The following HEG1 variants were observed in gnomAD, a reference collection of about 807,000 sequenced individuals.
HEG1 encodes heart development protein with EGF like domains 1.
HEG1 carries 56 observed loss-of-function variants against 125.6 expected under a neutral mutation model. The ratio of observed to expected loss-of-function variants is 0.45; its 90% CI spans 0.36 to 0.56. HEG1 has a LOEUF of 0.56. Ranked by LOEUF, HEG1 falls within the 20% of genes least tolerant of loss-of-function variation. HEG1 has a pLI of 0.00. For synonymous variants in HEG1, 644 were observed against 668.5 expected, an observed-to-expected ratio of 0.96 and a Z score of 0.57; for missense variants, 1,523 against 1,670.0, an observed-to-expected ratio of 0.91 and a Z score of 1.53.
At chr3:125,050,333 A>T (rs1229553844) in intron 1 of HEG1, among the ~76,000 whole-genome samples, 4 of 152,066 alleles carry the variant, frequency 2.6e-5, no homozygotes, top group Admixed American at 1.3e-4. Context: ...GAGTAGAGAC[A>T]GGGTTTCACC....
At chr3:125,040,535 G>C (rs570453465) in intron 1 of HEG1, among the ~76,000 whole-genome samples, 2 of 152,124 alleles carry the variant, frequency 1.3e-5, no homozygotes, top group African/African-American at 4.8e-5. Context: ...CTGCCTCCCC[G>C]GTAGAGCATT....
intron 14 of HEG1, among the ~76,000 whole-genome samples, chr3:124,981,729 A>G (rs1050193527): frequency 1.3e-5 from 2 of 152,190 alleles, no homozygotes; most frequent in Non-Finnish European, 2.9e-5. Context: ...AGAGAGAAAG[A>G]GCCTGGGAGG....
At chr3:125,051,944 T>G (rs1937814873) in intron 1 of HEG1, among the ~76,000 whole-genome samples, 1 of 152,128 alleles carries the variant, frequency 6.6e-6, no homozygotes, top group Non-Finnish European at 1.5e-5. Flanking sequence ...AGGACAAGGA[T>G]GCAGAAACTG....
intron 1 of HEG1, among the ~76,000 whole-genome samples, chr3:125,052,080 A>G (rs538317395): frequency 6.6e-6 from 1 of 152,270 alleles, no homozygotes; most frequent in African/African-American, 2.4e-5. Flanking sequence ...TTGCAAGGTA[A>G]AAAGGATGTG....
intron 14 of HEG1, among the ~76,000 whole-genome samples, chr3:124,988,009 C>T (rs756620641): frequency 1.4e-5 from 2 of 139,068 alleles, no homozygotes; most frequent in Non-Finnish European, 3.1e-5. Flanking sequence ...ATTTGGGAAA[C>T]AAGACTCAAA....
At chr3:124,997,104 C>A (rs956899675) in intron 12 of HEG1, among the ~76,000 whole-genome samples, 2 of 152,192 alleles carry the variant, frequency 1.3e-5, no homozygotes, top group Non-Finnish European at 2.9e-5. Flanking sequence ...GGACCAAATA[C>A]AAGAGCAGAT....
At chr3:125,008,615 T>C (rs752533587) in intron 8 of HEG1, among the ~76,000 whole-genome samples, 5 of 152,170 alleles carry the variant, frequency 3.3e-5, no homozygotes, top group Non-Finnish European at 7.4e-5. Flanking sequence ...ATGGCCAACA[T>C]GGCAAAGCCC....
intron 12 of HEG1, among the ~76,000 whole-genome samples, chr3:124,992,626 T>C (rs1331068740): frequency 6.6e-6 from 1 of 152,246 alleles, no homozygotes; most frequent in Non-Finnish European, 1.5e-5. Flanking sequence ...TGATGCCCTG[T>C]GGGCTGGGTC....
chr3:125,015,098 G>T, intron 5 of HEG1: 1 of 948,182 alleles, frequency 1.1e-6, no homozygotes, highest in Non-Finnish European at 1.4e-6. Flanking sequence ...CTGGGCTGTG[G>T]GAGCCAAGAC....
At chr3:124,994,343 G>A (rs1314658193) in intron 12 of HEG1, among the ~76,000 whole-genome samples, 2 of 152,192 alleles carry the variant, frequency 1.3e-5, no homozygotes, top group Non-Finnish European at 2.9e-5. Flanking sequence ...TGGTAGGGTT[G>A]GGGACCCCTG....
intron 8 of HEG1, among the ~76,000 whole-genome samples, chr3:125,008,285 GATC>G (rs1266424789): frequency 6.6e-6 from 1 of 152,174 alleles, no homozygotes; most frequent in African/African-American, 2.4e-5. Flanking sequence ...GTTTTGACTT[GATC>G]TTTGTATTTT....
intron 6 of HEG1, 124 bp downstream of exon 6, chr3:125,012,499 C>T: frequency 1.9e-6 from 2 of 1,057,754 alleles, no homozygotes; most frequent in Non-Finnish European, 2.7e-6. Context: ...TTTTAGGTCG[C>T]AAAACAGAAG....
chr3:125,037,236 T>C (rs992958866), intron 1 of HEG1, among the ~76,000 whole-genome samples: 1 of 152,200 alleles, frequency 6.6e-6, no homozygotes, highest in Non-Finnish European at 1.5e-5. Flanking sequence ...CTATGACAAA[T>C]TGTCTCCTAA....
In HEG1 at chr3:124,997,753, G is replaced by C; in HGVS notation, c.3588C>G (p.Gly1196=). The stretch of plus-strand genomic sequence containing the variant: ...CCGACTTGCACTGGCACAGGGCAAC[G>C]CCGTCCAGGTCAGTGCAGATGGAGG... ...KDTSICTDLD[G]VALCQCKSGY... The change falls in exon 12 of 17, where the codon GGC becomes GGG. Residue 1196 remains glycine (G), a synonymous_variant. Coordinates refer to ENST00000311127, the MANE Select transcript of HEG1 (RefSeq NM_020733.2). The C allele has an allele frequency of 6.3e-7, 1 of 1,598,596 alleles. No homozygotes were observed. Among genetic ancestry groups the C allele is most frequent in the Non-Finnish European group, 8.5e-7 (1 of 1,169,612 alleles).
chr3:124,984,777 A>C (rs941103694), intron 14 of HEG1, among the ~76,000 whole-genome samples: 1 of 151,794 alleles, frequency 6.6e-6, no homozygotes, highest in African/African-American at 2.4e-5. Context: ...ACCAAAAAAC[A>C]AAAAAACAAC....
At chr3:124,993,245 A>G (rs1482538752) in intron 12 of HEG1, among the ~76,000 whole-genome samples, 3 of 152,182 alleles carry the variant, frequency 2.0e-5, no homozygotes, top group African/African-American at 7.2e-5. Flanking sequence ...GGCCTCAACA[A>G]AACAGTCCGT....
In HEG1 at chr3:124,990,664, T is replaced by C. The variant is rs1936817581; in HGVS notation, c.3733+123A>G. 5.4e-6 allele frequency: 5 copies of C among 919,980 alleles called. No individual in the cohort carries two copies. The African/African-American group carries it at 6.7e-5, about 12-fold the overall frequency. The allele number at this position is 919,980 out of a possible 1,614,324, so 57.0% of individuals were successfully genotyped here. ...TTTCTCTTTGTTTCCCCCATGCCAT[T>C]GGCATAGAACCTAAGAAGACAGCAG... On this transcript the variant is annotated intron_variant, in intron 14 of 16. Coordinates refer to ENST00000311127, the MANE Select transcript of HEG1 (RefSeq NM_020733.2).
intron 14 of HEG1, among the ~76,000 whole-genome samples, chr3:124,978,372 C>G (rs1224769085): frequency 1.3e-5 from 2 of 152,164 alleles, no homozygotes; most frequent in East Asian, 3.9e-4. Context: ...TGGTCTCAAT[C>G]TCCTGACCTC....
chr3:125,023,273 G>A (rs1399790435), intron 3 of HEG1, among the ~76,000 whole-genome samples: 1 of 152,038 alleles, frequency 6.6e-6, no homozygotes, highest in Non-Finnish European at 1.5e-5. Flanking sequence ...AATTCAGCCT[G>A]AAAAACCCAG....
Sources: gnomAD v4.1 joint callset for allele counts (sites outside exome capture counted in the v4.1 genomes callset) on GRCh38, gnomAD v4.1.1 for gene constraint, MANE v1.5 for transcripts, NCBI Gene and HGNC (gene_info 2026-07-23, HGNC 2026-07-21) for gene names.